BMPR2: variants seen among roughly 807,000 people sequenced by gnomAD.
BMPR2 encodes bone morphogenetic protein receptor type-2.
Under a neutral mutation model 100.8 loss-of-function variants are expected in BMPR2, and 29 were observed. That is an observed-to-expected ratio of 0.29 (90% CI 0.21 to 0.39). The LOEUF (loss-of-function observed/expected upper bound fraction) is 0.39, where lower values mean the gene tolerates loss of function less well. BMPR2 is among the 10% of genes least tolerant of loss of function. BMPR2 has a pLI of 1.00. For missense variants in BMPR2, 1,011 were observed against 1,274.5 expected, an observed-to-expected ratio of 0.79 and a Z score of 3.15; for synonymous variants, 382 against 442.3, an observed-to-expected ratio of 0.86 and a Z score of 1.71.
intron 1 of BMPR2, among the ~76,000 whole-genome samples, chr2:202,437,832 A>T (rs1691646289): frequency 6.6e-6 from 1 of 150,810 alleles, no homozygotes; most frequent in South Asian, 2.1e-4. Flanking sequence ...ACATTCTATT[A>T]CGGATATACT....
Position 202,564,346 on chromosome 2 carries a change from T to C in BMPR2, c.*4400T>C, listed in dbSNP as rs1688721569. 6.6e-6 allele frequency: 1 copy of C among 152,236 alleles called. No homozygotes were observed. The highest frequency in any genetic ancestry group is 3.2e-3 in the Middle Eastern group (1 of 316). The allele number at this position is 152,236 out of a possible 1,614,324, so 9.4% of individuals were successfully genotyped here. A position where few individuals can be genotyped will look rare whatever the true frequency, so the allele number is the denominator to read the frequency against. On this transcript the variant is annotated 3_prime_UTR_variant, in exon 13 of 13. Coordinates refer to ENST00000374580, the MANE Select transcript of BMPR2 (RefSeq NM_001204.7). ...GTAACTATTCACAGATTGCTTCATATATTGCTTTATCTTCCCATCTAACTT... is the reference window on the plus strand; with the variant it reads ...GTAACTATTCACAGATTGCTTCATACATTGCTTTATCTTCCCATCTAACTT...
At chr2:202,435,193 C>A (rs183707990) in intron 1 of BMPR2, among the ~76,000 whole-genome samples, 1 of 145,192 alleles carries the variant, frequency 6.9e-6, no homozygotes, top group Admixed American at 6.8e-5. Context: ...AACCCCGTCT[C>A]TACTGAAAAA....
chr2:202,540,450 G>C (rs1688250346), intron 9 of BMPR2, among the ~76,000 whole-genome samples: 1 of 152,074 alleles, frequency 6.6e-6, no homozygotes, highest in South Asian at 2.1e-4. Flanking sequence ...TGATGTTATT[G>C]ATCAACACTA....
chr2:202,444,540 A>T lies in BMPR2; in HGVS notation c.77-20269A>T, dbSNP rs78831137. Among the ~76,000 whole-genome samples the T allele has an allele frequency of 9.2e-3, 1,394 of 150,790 alleles. 17 individuals carry two copies. Among genetic ancestry groups the T allele is most frequent in the Middle Eastern group, 0.014 (4 of 294 alleles). ...TGTATATAGTTACATCAAAAATTTT[A>T]AAGACTTTAGTTAGATGTGTTCTAC... is the stretch of plus-strand genomic sequence containing the variant. On this transcript the variant is annotated intron_variant, in intron 1 of 12. Coordinates refer to ENST00000374580, the MANE Select transcript of BMPR2 (RefSeq NM_001204.7).
chr2:202,472,149 A>G (rs1295833145), intron 3 of BMPR2, among the ~76,000 whole-genome samples: 1 of 152,218 alleles, frequency 6.6e-6, no homozygotes, highest in Non-Finnish European at 1.5e-5. Flanking sequence ...ACCAATTATA[A>G]CAGACCATAC....
intron 12 of BMPR2, among the ~76,000 whole-genome samples, chr2:202,558,091 G>A (rs527580320): frequency 6.6e-6 from 1 of 152,150 alleles, no homozygotes; most frequent in South Asian, 2.1e-4. Flanking sequence ...GACTGAGGTG[G>A]GTGGGTCACT....
At chr2:202,386,638 T>C (rs926729374) in intron 1 of BMPR2, among the ~76,000 whole-genome samples, 2 of 152,142 alleles carry the variant, frequency 1.3e-5, no homozygotes, top group African/African-American at 4.8e-5. Flanking sequence ...CTTTGCTTTA[T>C]TACAGTCTCC....
chr2:202,519,342 G>A (rs1687779611), intron 6 of BMPR2, among the ~76,000 whole-genome samples: 1 of 152,120 alleles, frequency 6.6e-6, no homozygotes, highest in Non-Finnish European at 1.5e-5. Context: ...CAGCCTGGGC[G>A]ACAGAGCAAG....
At chr2:202,449,766 G>A (rs1691939864) in intron 1 of BMPR2, among the ~76,000 whole-genome samples, 1 of 152,132 alleles carries the variant, frequency 6.6e-6, no homozygotes, top group African/African-American at 2.4e-5. Context: ...GTCTTTTCCT[G>A]TTGCTGAGTT....
intron 1 of BMPR2, among the ~76,000 whole-genome samples, chr2:202,445,771 A>ATT (rs759063361): frequency 0.032 from 3,869 of 119,984 alleles, 161 homozygotes; most frequent in Non-Finnish European, 0.041. Flanking sequence ...TACAAACATA[A>ATT]TTTTTTTTTT....
At chr2:202,417,831 G>A (rs1032154092) in intron 1 of BMPR2, among the ~76,000 whole-genome samples, 2 of 151,192 alleles carry the variant, frequency 1.3e-5, no homozygotes, top group African/African-American at 4.9e-5. Flanking sequence ...CCATTCTTCC[G>A]CCTCAGCCTC....
intron 1 of BMPR2, among the ~76,000 whole-genome samples, chr2:202,413,261 A>C (rs910082470): frequency 6.6e-6 from 1 of 152,132 alleles, no homozygotes; most frequent in African/African-American, 2.4e-5. Flanking sequence ...ATATAGTGCT[A>C]AAGTGTTGTC....
At chr2:202,522,029 C>T (rs1036075087) in intron 7 of BMPR2, among the ~76,000 whole-genome samples, 2 of 151,966 alleles carry the variant, frequency 1.3e-5, no homozygotes, top group Admixed American at 6.6e-5. Flanking sequence ...TGTGGTGACA[C>T]GCGCACATAA....
intron 1 of BMPR2, among the ~76,000 whole-genome samples, chr2:202,418,729 G>A (rs956361461): frequency 3.9e-5 from 6 of 152,192 alleles, no homozygotes; most frequent in Non-Finnish European, 4.4e-5. Context: ...GGGTGGGGGA[G>A]ACCAAGGTTC....
At position 202,555,789 on chromosome 2, in the gene BMPR2, C is replaced by T. The variant is rs1085307374; in HGVS notation, c.2124C>T (p.Tyr708=). ...GCAGTACTAGTTCTAGCTTGCTTTA[C>T]CCACTCATAAAACTTGCAGTAGAAG... ...PLSSTSSSLL[Y]PLIKLAVEAT... Residue 708 remains tyrosine (Y), a synonymous_variant, in exon 12 of 13, where the codon TAC becomes TAT. Coordinates refer to ENST00000374580, the MANE Select transcript of BMPR2 (RefSeq NM_001204.7). 4 of 1,613,944 alleles carry T rather than the reference C, an allele frequency of 2.5e-6. No homozygotes were observed. Among genetic ancestry groups the T allele is most frequent in the African/African-American group, 2.7e-5 (2 of 74,888 alleles).
intron 7 of BMPR2, among the ~76,000 whole-genome samples, chr2:202,522,923 A>G (rs1266246183): frequency 1.3e-5 from 2 of 152,350 alleles, no homozygotes; most frequent in Middle Eastern, 3.4e-3. Context: ...TCTTTTCAAA[A>G]GAAACTATCC....
In BMPR2 at chr2:202,456,206, G is replaced by A. The variant is rs1044173243; in HGVS notation, c.77-8603G>A. On this transcript the variant is annotated intron_variant, in intron 1 of 12. Transcript: ENST00000374580. ...TGTTTTTTTGAGATGAAGTCTTGCCGTGTCGCCCAGGCTGGAGTGCAATGG... is the reference window on the plus strand; with the variant it reads ...TGTTTTTTTGAGATGAAGTCTTGCCATGTCGCCCAGGCTGGAGTGCAATGG... Among the ~76,000 whole-genome samples, 6 of 149,432 alleles carry A rather than the reference G, an allele frequency of 4.0e-5. No individual in the cohort carries two copies. The South Asian group carries it at 1.3e-3, about 31-fold the overall frequency.
chr2:202,485,025 C>G (rs1432100252), intron 3 of BMPR2, among the ~76,000 whole-genome samples: 3 of 150,592 alleles, frequency 2.0e-5, no homozygotes, highest in Admixed American at 6.6e-5. Flanking sequence ...TGAGGTCTCA[C>G]TCTTTCACCC....
intron 3 of BMPR2, among the ~76,000 whole-genome samples, chr2:202,485,274 T>A (rs559788625): frequency 2.0e-5 from 3 of 152,128 alleles, no homozygotes; most frequent in Non-Finnish European, 4.4e-5. Context: ...GTTGCCATAA[T>A]AAATTATCAC....
Sources: allele counts gnomAD v4.1 joint callset (sites outside exome capture counted in the v4.1 genomes callset), GRCh38; gene constraint gnomAD v4.1.1; transcripts MANE v1.5; gene names NCBI Gene and HGNC (gene_info 2026-07-23, HGNC 2026-07-21).